MSTO1: variants seen among roughly 807,000 people sequenced by gnomAD.
MSTO1 encodes the protein protein misato homolog 1.
In MSTO1, 24 loss-of-function variants were observed where a neutral mutation model predicts 55.7. The observed-to-expected ratio is 0.43, with a 90% CI of 0.31 to 0.61. The LOEUF (loss-of-function observed/expected upper bound fraction) is 0.61, where lower values mean the gene tolerates loss of function less well. Among genes scored for constraint, MSTO1 ranks in the 20% least tolerant of loss-of-function variants. The probability of loss-of-function intolerance (pLI) is 0.09; values close to 1 mark genes in which losing one functional copy is unlikely to be tolerated. For missense variants in MSTO1, 363 were observed against 625.7 expected (o/e 0.58, Z 4.48); for synonymous variants, 162 against 252.8 (o/e 0.64, Z 3.41).
chr1:155,607,799 C>G (rs776547991), upstream of MSTO1, among the ~76,000 whole-genome samples: 1 of 152,174 alleles, frequency 6.6e-6, no homozygotes, highest in Non-Finnish European at 1.5e-5. Flanking sequence ...GCTCAGGAGA[C>G]CAGCCTGGGC....
the MSTO1 span, among the ~76,000 whole-genome samples, chr1:155,602,756 G>A: frequency 8.7e-4 from 132 of 151,778 alleles, no homozygotes; most frequent in Non-Finnish European, 1.6e-3. Context: ...CCATTTTGTG[G>A]GTAGCAAAGT....
the MSTO1 span, among the ~76,000 whole-genome samples, chr1:155,604,161 G>A: frequency 2.0e-5 from 3 of 152,150 alleles, no homozygotes; most frequent in East Asian, 1.9e-4. Context: ...GAGCAACAAC[G>A]TTTTTGGACT....
the MSTO1 span, among the ~76,000 whole-genome samples, chr1:155,604,428 G>T: frequency 1.3e-5 from 2 of 152,276 alleles, no homozygotes; most frequent in Admixed American, 1.3e-4. Flanking sequence ...AAAAAGAGAA[G>T]TAGAAACTCC....
the MSTO1 span, among the ~76,000 whole-genome samples, chr1:155,599,498 A>G: frequency 1.3e-5 from 2 of 152,162 alleles, no homozygotes; most frequent in African/African-American, 4.8e-5. Context: ...AGTCATCAGT[A>G]TAGGTTGTCA....
chr1:155,608,972 C>T (rs1673157908), upstream of MSTO1, among the ~76,000 whole-genome samples: 1 of 150,306 alleles, frequency 6.7e-6, no homozygotes, highest in Admixed American at 6.7e-5. Context: ...TACAAGGGCC[C>T]GCCACCACGC....
chr1:155,588,053 A>G, the MSTO1 span, among the ~76,000 whole-genome samples: 3 of 151,764 alleles, frequency 2.0e-5, no homozygotes, highest in African/African-American at 7.3e-5. Flanking sequence ...TAAAAAAAAT[A>G]CAAACATTAG....
the MSTO1 span, among the ~76,000 whole-genome samples, chr1:155,604,501 G>C: frequency 6.6e-6 from 1 of 152,188 alleles, no homozygotes; most frequent in African/African-American, 2.4e-5. Context: ...AAAAAGATCA[G>C]AATGGAAATG....
At position 155,611,300 on chromosome 1, in the gene MSTO1, C is replaced by G. The variant is rs375437088; in HGVS notation, c.366+9C>G. On this transcript the variant is annotated intron_variant, in intron 4 of 13. Transcript: ENST00000245564. ...ACTTTCTGAGTGCAGAGGTGAGGGC[C>G]TCTGTCCTGAACTTTTTAACCCGGT... 1 of 1,613,560 alleles carries G rather than the reference C, an allele frequency of 6.2e-7. No homozygotes were observed. Among genetic ancestry groups the G allele is most frequent in the African/African-American group, 1.3e-5 (1 of 74,844 alleles).
chr1:155,570,473 A>T, the MSTO1 span, among the ~76,000 whole-genome samples: 1 of 152,166 alleles, frequency 6.6e-6, no homozygotes, highest in African/African-American at 2.4e-5. Flanking sequence ...ATTCAGGATC[A>T]CCCTAAGATG....
chr1:155,604,988 C>T, the MSTO1 span, among the ~76,000 whole-genome samples: 7 of 152,028 alleles, frequency 4.6e-5, no homozygotes, highest in Admixed American at 2.0e-4. Context: ...GGGCTGGGTG[C>T]GGTGGCTCAC....
chr1:155,568,761 T>C, the MSTO1 span, among the ~76,000 whole-genome samples: 1 of 152,196 alleles, frequency 6.6e-6, no homozygotes, highest in Non-Finnish European at 1.5e-5. Flanking sequence ...TGTTTTGTTT[T>C]GTTTACGAAA....
rs977637445 is a variant in MSTO1, at chr1:155,614,393, T to C, written c.*120T>C. The C allele has an allele frequency of 1.7e-6, 1 of 576,626 alleles. No individual in the cohort carries two copies. Among genetic ancestry groups the C allele is most frequent in the African/African-American group, 1.9e-5 (1 of 52,282 alleles). The allele number at this position is 576,626 out of a possible 1,614,324, so 35.7% of individuals were successfully genotyped here. ...ACTAGCTACACCAACATATGCACTTTTTACATTTAGAAACACTGTGATTAG... is the reference window on the plus strand; with the variant it reads ...ACTAGCTACACCAACATATGCACTTCTTACATTTAGAAACACTGTGATTAG... On this transcript the variant is annotated 3_prime_UTR_variant, in exon 14 of 14. Coordinates refer to ENST00000245564, the MANE Select transcript of MSTO1 (RefSeq NM_018116.4).
At chr1:155,567,580 G>A in the MSTO1 span, among the ~76,000 whole-genome samples, 113 of 151,736 alleles carry the variant, frequency 7.4e-4, no homozygotes, top group African/African-American at 2.6e-3. Flanking sequence ...GATTACAGGC[G>A]TGAGCCACCG....
At chr1:155,588,141 G>A in the MSTO1 span, among the ~76,000 whole-genome samples, 1 of 151,032 alleles carries the variant, frequency 6.6e-6, no homozygotes, top group Non-Finnish European at 1.5e-5. Flanking sequence ...CCTGGGAGGC[G>A]GAGGTTGCAG....
the MSTO1 span, among the ~76,000 whole-genome samples, chr1:155,588,271 A>T: frequency 6.6e-6 from 1 of 152,128 alleles, no homozygotes; most frequent in Non-Finnish European, 1.5e-5. Flanking sequence ...TAAAAAACAA[A>T]ATTGTACGTG....
At chr1:155,563,495 G>C in the MSTO1 span, 17 of 456,432 alleles carry the variant, frequency 3.7e-5, no homozygotes, top group African/African-American at 8.0e-5. Context: ...CGGCGTGGTG[G>C]TGTGCTTTTT....
chr1:155,603,957 C>T, the MSTO1 span, among the ~76,000 whole-genome samples: 1 of 152,096 alleles, frequency 6.6e-6, no homozygotes, highest in African/African-American at 2.4e-5. Context: ...AGTCTAAATA[C>T]AGTCATCCTT....
chr1:155,586,936 TG>T, the MSTO1 span, among the ~76,000 whole-genome samples: 1 of 152,168 alleles, frequency 6.6e-6, no homozygotes, highest in African/African-American at 2.4e-5. Flanking sequence ...TTAGGAGAGA[TG>T]GGGTTTTGCC....
chr1:155,596,740 T>C, the MSTO1 span, among the ~76,000 whole-genome samples: 5 of 152,076 alleles, frequency 3.3e-5, no homozygotes, highest in African/African-American at 4.8e-5. Context: ...TCAGCTGAGA[T>C]TGGGCCACTG....
Sources: allele counts gnomAD v4.1 joint callset (sites outside exome capture counted in the v4.1 genomes callset), GRCh38; gene constraint gnomAD v4.1.1; transcripts MANE v1.5; gene names NCBI Gene and HGNC (gene_info 2026-07-23, HGNC 2026-07-21).